The following FNBP1 variants were observed in gnomAD, a reference collection of about 807,000 sequenced individuals.
FNBP1 encodes formin binding protein 1.
FNBP1 carries 26 observed loss-of-function variants against 90.6 expected under a neutral mutation model. That is an observed-to-expected ratio of 0.29 (90% CI 0.21 to 0.40). FNBP1 has a LOEUF of 0.40. Ranked by LOEUF, FNBP1 falls within the 10% of genes least tolerant of loss-of-function variation. The pLI is 1.00. For missense variants in FNBP1, 635 were observed against 768.0 expected (o/e 0.83, Z 2.05); for synonymous variants, 260 against 265.2 (o/e 0.98, Z 0.19).
intron 12 of FNBP1, among the ~76,000 whole-genome samples, chr9:129,907,632 G>A (rs1384523699): frequency 6.8e-6 from 1 of 147,082 alleles, no homozygotes; most frequent in Non-Finnish European, 1.5e-5. Context: ...TGTGTTATTT[G>A]ACTGGCTTTT....
intron 16 of FNBP1, among the ~76,000 whole-genome samples, chr9:129,891,728 C>T (rs944096428): frequency 1.3e-5 from 2 of 151,920 alleles, no homozygotes; most frequent in Non-Finnish European, 1.5e-5. Flanking sequence ...GGGGAGGTGC[C>T]ATCATTTAAA....
chr9:129,949,922 C>A (rs778520589), intron 6 of FNBP1, among the ~76,000 whole-genome samples: 24 of 152,024 alleles, frequency 1.6e-4, no homozygotes, highest in Non-Finnish European at 2.6e-4. Flanking sequence ...TTCACATGTA[C>A]AAATAAGGCT....
Position 129,996,236 on chromosome 9 carries a change from G to A in FNBP1, c.25-1278C>T, listed in dbSNP as rs1005037833. On this transcript the variant is annotated intron_variant, in intron 1 of 16. Transcript: ENST00000446176. ...AGAACTCAAGAAGGGCATCAAGTGAGTAGGTGGATCTCAAGCAACAGCCGA... is the reference window on the plus strand; with the variant it reads ...AGAACTCAAGAAGGGCATCAAGTGAATAGGTGGATCTCAAGCAACAGCCGA... Among the ~76,000 whole-genome samples, 10 of 152,240 alleles carry A rather than the reference G, an allele frequency of 6.6e-5. 1 individual carries two copies. Among genetic ancestry groups the A allele is most frequent in the Non-Finnish European group, 8.8e-5 (6 of 68,044 alleles).
Position 129,887,956 on chromosome 9 carries a change from G to A in FNBP1, c.*2583C>T, listed in dbSNP as rs1350932786. ...TCCCAGAGTAAATGATGATACATAG[G>A]ACAACTGACCTCCTCTAAGAAGCCC... On this transcript the variant is annotated 3_prime_UTR_variant, in exon 17 of 17. Transcript: ENST00000446176. The A allele has an allele frequency of 4.3e-6, 1 of 232,290 alleles. No homozygotes were observed. The highest frequency in any genetic ancestry group is 6.1e-5 in the East Asian group (1 of 16,502). 14.4% of individuals were successfully genotyped at this position (232,290 alleles called of 1,614,324 possible). A position where few individuals can be genotyped will look rare whatever the true frequency, so the allele number is the denominator to read the frequency against.
At chr9:129,926,705 G>A (rs1000985263) in intron 8 of FNBP1, among the ~76,000 whole-genome samples, 4 of 150,840 alleles carry the variant, frequency 2.7e-5, no homozygotes, top group African/African-American at 9.8e-5. Context: ...TGGCCAATAT[G>A]GTGAAACCCC....
chr9:130,047,041 C>T (rs2060064625), upstream of FNBP1, among the ~76,000 whole-genome samples: 1 of 152,076 alleles, frequency 6.6e-6, no homozygotes, highest in African/African-American at 2.4e-5. Flanking sequence ...GGGGGGCAGT[C>T]TTGAGGACCA....
Position 129,900,211 on chromosome 9 carries a change from C to A in FNBP1, c.1551-110G>T. The A allele has an allele frequency of 7.8e-7, 1 of 1,281,458 alleles. No individual in the cohort carries two copies. Among genetic ancestry groups the A allele is most frequent in the Admixed American group, 3.0e-5 (1 of 33,348 alleles). 79.4% of individuals were successfully genotyped at this position (1,281,458 alleles called of 1,614,324 possible). On this transcript the variant is annotated intron_variant, in intron 14 of 16. Transcript: ENST00000446176. The surrounding 1 kb of genome is among the most constrained non-coding windows in gnomAD (Gnocchi z 4.1). ...TTGCAACCCCGCCCCTCAGCGAGTG[C>A]TGTAACTGAGGCCATGGTAAATCAT...
rs535791076 is a variant in FNBP1, at chr9:129,988,082, G to C, written c.140+6761C>G. On this transcript the variant is annotated intron_variant, in intron 2 of 16. Transcript: ENST00000446176. Reference sequence around the variant, plus strand: ...GAGAAATGCAATTTAAGACCTAGATGTACCAGTTGTTAAGTAGCAAATTGA... The same window carrying C: ...GAGAAATGCAATTTAAGACCTAGATCTACCAGTTGTTAAGTAGCAAATTGA... Among the ~76,000 whole-genome samples, 304 of 152,046 alleles carry C rather than the reference G, an allele frequency of 2.0e-3. 2 individuals are homozygous for C. The highest frequency in any genetic ancestry group is 3.4e-3 in the Non-Finnish European group (234 of 68,022).
intron 16 of FNBP1, chr9:129,895,390 C>T: frequency 2.8e-6 from 3 of 1,084,088 alleles, no homozygotes; most frequent in Non-Finnish European, 3.4e-6. Flanking sequence ...TATTAAGTTA[C>T]AATCTGTAAC....
chr9:129,958,055 G>A (rs762871974), intron 5 of FNBP1, among the ~76,000 whole-genome samples: 5 of 152,126 alleles, frequency 3.3e-5, no homozygotes, highest in Non-Finnish European at 5.9e-5. Flanking sequence ...CTATAAAGAT[G>A]TTTCATTAGT....
chr9:130,040,939 A>G (rs566445364), intron 1 of FNBP1, among the ~76,000 whole-genome samples: 2 of 151,742 alleles, frequency 1.3e-5, no homozygotes, highest in Admixed American at 1.3e-4. Flanking sequence ...AAGATTTCAT[A>G]TCATTAATAT....
intron 12 of FNBP1, among the ~76,000 whole-genome samples, chr9:129,905,310 A>ATT (rs1249688313): frequency 1.2e-4 from 17 of 147,660 alleles, no homozygotes; most frequent in African/African-American, 4.0e-4. Flanking sequence ...ATATATATAT[A>ATT]TATTTTGTTA....
At chr9:130,018,671 G>A (rs1474710002) in intron 1 of FNBP1, among the ~76,000 whole-genome samples, 1 of 151,918 alleles carries the variant, frequency 6.6e-6, no homozygotes, top group Admixed American at 6.6e-5. Context: ...TCGAACTCCT[G>A]ACCTCAAGTC....
At chr9:129,899,906 G>A in intron 15 of FNBP1, 59 bp downstream of exon 15, 2 of 1,388,060 alleles carry the variant, frequency 1.4e-6, no homozygotes, top group South Asian at 3.3e-5. Context: ...TGAAAGAAGA[G>A]TAACTCAGAT....
At chr9:129,958,609 A>T in intron 4 of FNBP1, 56 bp from the exon 5 acceptor site, 2 of 1,352,992 alleles carry the variant, frequency 1.5e-6, no homozygotes, top group Non-Finnish European at 1.0e-6. Context: ...TTATGAACCC[A>T]GGAGGAAACA....
At chr9:129,904,338 C>A (rs2037562615) in intron 12 of FNBP1, among the ~76,000 whole-genome samples, 1 of 152,174 alleles carries the variant, frequency 6.6e-6, no homozygotes, top group African/African-American at 2.4e-5. Context: ...GCAGGCATCC[C>A]TAGAGAAGTT....
rs2132444248 is a variant in FNBP1, at chr9:130,041,612, C to T, written c.24+1340G>A. Among the ~76,000 whole-genome samples, 1 of 152,284 alleles carries T rather than the reference C, an allele frequency of 6.6e-6. No individual in the cohort carries two copies. Among genetic ancestry groups the T allele is most frequent in the Non-Finnish European group, 1.5e-5 (1 of 68,014 alleles). On this transcript the variant is annotated intron_variant, in intron 1 of 16. Transcript: ENST00000446176. The surrounding 1 kb of genome is among the most constrained non-coding windows in gnomAD (Gnocchi z 4.3). The stretch of plus-strand genomic sequence containing the variant: ...TATTTTCAAAATGGATACTTGTAAA[C>T]ATCAGCGGAAATTTTGTCATGAATC...
At chr9:129,997,838 G>A (rs1250469948) in intron 1 of FNBP1, among the ~76,000 whole-genome samples, 2 of 151,948 alleles carry the variant, frequency 1.3e-5, no homozygotes, top group African/African-American at 2.4e-5. Flanking sequence ...ATCAAAGCAA[G>A]ACCCTGTCTC....
intron 12 of FNBP1, among the ~76,000 whole-genome samples, chr9:129,904,902 T>C (rs2037687064): frequency 1.3e-5 from 2 of 152,318 alleles, no homozygotes; most frequent in East Asian, 3.9e-4. Flanking sequence ...CAATGAATAT[T>C]TGTTAAATAA....
Sources: allele counts gnomAD v4.1 joint callset (sites outside exome capture counted in the v4.1 genomes callset), GRCh38; gene constraint gnomAD v4.1.1; non-coding constraint Gnocchi (gnomAD v3.1); transcripts MANE v1.5; gene names NCBI Gene and HGNC (gene_info 2026-07-23, HGNC 2026-07-21).